ABI2: variants seen among roughly 807,000 people sequenced by gnomAD.
ABI2 encodes the protein abelson interactor 2.
ABI2 carries 25 observed loss-of-function variants against 59.2 expected under a neutral mutation model. That is an observed-to-expected ratio of 0.42 (90% CI 0.31 to 0.59). The LOEUF is 0.59. Ranked by LOEUF, ABI2 falls within the 20% of genes least tolerant of loss-of-function variation. The pLI, the probability that ABI2 is intolerant of heterozygous loss-of-function variation, is 0.14. For missense variants in ABI2, 545 were observed against 681.8 expected, an observed-to-expected ratio of 0.80 and a Z score of 2.23; for synonymous variants, 213 against 235.5, an observed-to-expected ratio of 0.90 and a Z score of 0.87.
At chr2:203,423,609 G>A (rs1185758187) in intron 11 of ABI2, among the ~76,000 whole-genome samples, 1 of 152,176 alleles carries the variant, frequency 6.6e-6, no homozygotes, top group Non-Finnish European at 1.5e-5. Flanking sequence ...ATTTTTAGTA[G>A]AGGCGGGGTT....
chr2:203,409,421 C>T (rs1049439295), intron 9 of ABI2, among the ~76,000 whole-genome samples: 2 of 152,180 alleles, frequency 1.3e-5, no homozygotes, highest in African/African-American at 4.8e-5. Flanking sequence ...TCCATAGCAT[C>T]AACTGTAGAT....
intron 1 of ABI2, among the ~76,000 whole-genome samples, chr2:203,333,189 T>C (rs1420784795): frequency 1.3e-5 from 2 of 152,154 alleles, no homozygotes; most frequent in East Asian, 3.8e-4. Context: ...TACATGCTCA[T>C]TGTTGAAAAA....
At chr2:203,410,107 C>T (rs1302803210) in intron 9 of ABI2, among the ~76,000 whole-genome samples, 2 of 152,194 alleles carry the variant, frequency 1.3e-5, no homozygotes, top group South Asian at 4.1e-4. Flanking sequence ...TCTTTCTCAA[C>T]CCCTGTCAGC....
At chr2:203,376,179 C>T (rs1188696936) in intron 2 of ABI2, 1 of 1,432,340 alleles carries the variant, frequency 7.0e-7, no homozygotes. Context: ...CTTTGGTTCT[C>T]AACCAGGGAA....
rs915791233 is a variant in ABI2, at chr2:203,339,037, A to C, written c.117+10406A>C. 3.7e-5 allele frequency among the ~76,000 whole-genome samples: 5 copies of C among 134,178 alleles called. No homozygotes were observed. The East Asian group carries it at 9.5e-4, about 26-fold the overall frequency. 88.0% of individuals were successfully genotyped at this position (134,178 alleles called of 152,430 possible). On this transcript the variant is annotated intron_variant, in intron 1 of 11. Transcript: ENST00000261018. ...GATTCATACAACTTAATAGCAAAAA[A>C]CCAAATAACCAGATTTTAAAAAGAC...
chr2:203,374,844 C>G (rs969315345), intron 2 of ABI2: 2 of 456,302 alleles, frequency 4.4e-6, no homozygotes, highest in Non-Finnish European at 8.8e-6. Flanking sequence ...TGATGGGCAG[C>G]TAACTGAGGT....
chr2:203,374,767 T>C (rs2095568949), intron 2 of ABI2: 1 of 434,130 alleles, frequency 2.3e-6, no homozygotes, highest in African/African-American at 2.0e-5. Flanking sequence ...TTGAGACATA[T>C]TTAAAAACAC....
At chr2:203,358,076 TG>T (rs2092641131) in intron 1 of ABI2, among the ~76,000 whole-genome samples, 2 of 103,904 alleles carry the variant, frequency 1.9e-5, no homozygotes, top group Non-Finnish European at 4.1e-5. Context: ...CCTGTTTGTG[TG>T]TGTGTGTGTG....
intron 1 of ABI2, among the ~76,000 whole-genome samples, chr2:203,340,585 T>C (rs2079272094): frequency 6.6e-6 from 1 of 152,128 alleles, no homozygotes; most frequent in Non-Finnish European, 1.5e-5. Flanking sequence ...CTCGAACTCC[T>C]GGGCTCTACC....
intron 1 of ABI2, among the ~76,000 whole-genome samples, chr2:203,344,059 G>T (rs944446609): frequency 4.6e-5 from 7 of 152,178 alleles, no homozygotes; most frequent in Admixed American, 4.6e-4. Flanking sequence ...CTTGAGCTCA[G>T]GGTTGGAGGC....
rs533399245 is a variant in ABI2 at position 203,379,352 on chromosome 2, GT to G, written c.286-854del. The stretch of plus-strand genomic sequence containing the variant: ...AGCTTTGACCTCCTGGACTCAAGCA[GT>G]TCTCTTATTTCAGCCTCTCAGTTAG... On this transcript the variant is annotated intron_variant, in intron 2 of 11. Coordinates refer to ENST00000261018, the MANE Select transcript of ABI2 (RefSeq NM_001375670.1). Among the ~76,000 whole-genome samples, 35 of 152,238 alleles carry G rather than the reference GT, an allele frequency of 2.3e-4. No homozygotes were observed. The South Asian group carries it at 6.8e-3, about 30-fold the overall frequency.
chr2:203,382,979 C>T (rs1487639821), intron 4 of ABI2, among the ~76,000 whole-genome samples: 1 of 151,836 alleles, frequency 6.6e-6, no homozygotes, highest in Non-Finnish European at 1.5e-5. Flanking sequence ...GTGGAGGATT[C>T]GTGATAAAAG....
rs1192343989 is a variant in ABI2, at chr2:203,328,401, A to T, written c.-114A>T. 1 of 825,200 alleles carries T rather than the reference A, an allele frequency of 1.2e-6. No individual in the cohort carries two copies. The highest frequency in any genetic ancestry group is 2.3e-5 in the Admixed American group (1 of 43,056). 51.1% of individuals were successfully genotyped at this position (825,200 alleles called of 1,614,324 possible). On this transcript the variant is annotated 5_prime_UTR_variant, in exon 1 of 12. Coordinates refer to ENST00000261018, the MANE Select transcript of ABI2 (RefSeq NM_001375670.1). The stretch of plus-strand genomic sequence containing the variant: ...CTGGGGCTGTTTCTCGCTCCTTCCG[A>T]GTTACCGCCGCCGTCGCCGCCGCTC...
intron 1 of ABI2, among the ~76,000 whole-genome samples, chr2:203,353,389 A>G (rs1349784283): frequency 6.6e-6 from 1 of 152,166 alleles, no homozygotes; most frequent in Non-Finnish European, 1.5e-5. Context: ...ATTATTTTCA[A>G]CGTTGCAGTT....
Position 203,356,473 on chromosome 2 carries a change from A to G in ABI2, c.118-10404A>G, listed in dbSNP as rs150442479. Among the ~76,000 whole-genome samples, 102 of 152,084 alleles carry G rather than the reference A, an allele frequency of 6.7e-4. 1 individual carries two copies. Among genetic ancestry groups the G allele is most frequent in the Middle Eastern group, 3.4e-3 (1 of 294 alleles). ...AACCTCTTCCTCTCAGGTTTGAGCA[A>G]TTCTCCTGCCTCAGCCTCCCGAGTA... On this transcript the variant is annotated intron_variant, in intron 1 of 11. Transcript: ENST00000261018.
rs2098474319 is a variant in ABI2, at chr2:203,430,462, T to G, written c.*3110T>G. ...ATTAATACTCGAAAGTCCATGGTGG[T>G]ATTAATGAAAGTACACTTTATTGTT... On this transcript the variant is annotated 3_prime_UTR_variant, in exon 12 of 12. Coordinates refer to ENST00000261018, the MANE Select transcript of ABI2 (RefSeq NM_001375670.1). 1 of 152,186 alleles carries G rather than the reference T, an allele frequency of 6.6e-6. No homozygotes were observed. Among genetic ancestry groups the G allele is most frequent in the Non-Finnish European group, 1.5e-5 (1 of 68,024 alleles). The allele number at this position is 152,186 out of a possible 1,614,324, so 9.4% of individuals were successfully genotyped here.
At chr2:203,393,139 A>G (rs1219263473) in intron 5 of ABI2, among the ~76,000 whole-genome samples, 1 of 152,188 alleles carries the variant, frequency 6.6e-6, no homozygotes, top group African/African-American at 2.4e-5. Flanking sequence ...GTGCCCAGGC[A>G]ATTCTCTTGC....
intron 2 of ABI2, among the ~76,000 whole-genome samples, chr2:203,372,261 A>T (rs61601697): frequency 0.44 from 66,151 of 152,018 alleles, 16,526 homozygotes; most frequent in Middle Eastern, 0.7. Flanking sequence ...TCACCGATCA[A>T]CAGGATCCCA....
At chr2:203,412,923 A>C (rs2097737321) in intron 10 of ABI2, among the ~76,000 whole-genome samples, 1 of 152,234 alleles carries the variant, frequency 6.6e-6, no homozygotes, top group South Asian at 2.1e-4. Context: ...TCCATTCTAC[A>C]TACTCCATAC....
Sources: gnomAD v4.1 joint callset for allele counts (sites outside exome capture counted in the v4.1 genomes callset) on GRCh38, gnomAD v4.1.1 for gene constraint, MANE v1.5 for transcripts, NCBI Gene and HGNC (gene_info 2026-07-23, HGNC 2026-07-21) for gene names.